DCT: variants seen among roughly 807,000 people sequenced by gnomAD.
DCT encodes dopachrome tautomerase, also known as L-dopachrome tautomerase.
DCT carries 47 observed loss-of-function variants against 53.0 expected under a neutral mutation model. The ratio of observed to expected loss-of-function variants is 0.89; its 90% confidence interval spans 0.70 to 1.13. The LOEUF (loss-of-function observed/expected upper bound fraction) is 1.13, where lower values mean the gene tolerates loss of function less well. Ranked by LOEUF, DCT falls within the 50% of genes most tolerant of loss-of-function variation. The probability of loss-of-function intolerance (pLI) is 0.00; values close to 1 mark genes in which losing one functional copy is unlikely to be tolerated. For missense variants in DCT, 669 were observed against 637.4 expected, an observed-to-expected ratio of 1.05 and a Z score of -0.53; for synonymous variants, 244 against 237.0, an observed-to-expected ratio of 1.03 and a Z score of -0.27.
intron 6 of DCT, among the ~76,000 whole-genome samples, chr13:94,458,518 T>G (rs564508658): frequency 5.0e-4 from 76 of 152,210 alleles, no homozygotes; most frequent in African/African-American, 1.8e-3. Flanking sequence ...CTTTAAAAAC[T>G]AAAGACTGGG....
chr13:94,479,928 T>C (rs573321526), upstream of DCT, among the ~76,000 whole-genome samples: 2 of 152,300 alleles, frequency 1.3e-5, no homozygotes, highest in Non-Finnish European at 1.5e-5. Context: ...TCAGACATCC[T>C]GGGGAGTCAG....
chr13:94,484,321 G>A (rs1885573138), upstream of DCT, among the ~76,000 whole-genome samples: 2 of 152,188 alleles, frequency 1.3e-5, no homozygotes, highest in African/African-American at 2.4e-5. Context: ...TGTGAGGATG[G>A]CCCCTTTAGG....
chr13:94,547,931 C>A, the DCT span, among the ~76,000 whole-genome samples: 11 of 136,288 alleles, frequency 8.1e-5, 1 homozygote, highest in South Asian at 1.4e-3. Context: ...CCACTGCACT[C>A]CAGCCTGGGC....
At chr13:94,492,423 T>G in the DCT span, among the ~76,000 whole-genome samples, 1 of 152,304 alleles carries the variant, frequency 6.6e-6, no homozygotes, top group East Asian at 1.9e-4. Context: ...GCAGCTCCTC[T>G]TCCTGCAGGA....
upstream of DCT, among the ~76,000 whole-genome samples, chr13:94,482,096 A>T (rs984673463): frequency 1.3e-5 from 2 of 152,226 alleles, no homozygotes; most frequent in African/African-American, 4.8e-5. Context: ...TACGATCAGT[A>T]GTTTCATTCA....
At chr13:94,447,789 T>C (rs901279566) in intron 6 of DCT, among the ~76,000 whole-genome samples, 2 of 152,004 alleles carry the variant, frequency 1.3e-5, no homozygotes, top group African/African-American at 4.8e-5. Context: ...AAGAGGCAAA[T>C]AACTTATAGA....
intron 7 of DCT, among the ~76,000 whole-genome samples, chr13:94,441,404 G>A (rs1164468504): frequency 6.6e-6 from 1 of 152,058 alleles, no homozygotes; most frequent in Non-Finnish European, 1.5e-5. Flanking sequence ...TTTTAAATAG[G>A]CAGTGCAGTG....
At chr13:94,493,943 G>C in the DCT span, among the ~76,000 whole-genome samples, 2 of 152,200 alleles carry the variant, frequency 1.3e-5, no homozygotes, top group East Asian at 1.9e-4. Context: ...GCAGTAAGAG[G>C]CTGTATGGGA....
Position 94,440,068 on chromosome 13 carries a change from CA to C in DCT, c.1389del (p.Glu464LysfsTer11). 6.2e-7 allele frequency: 1 copy of C among 1,613,160 alleles called. No individual in the cohort carries two copies. The highest frequency in any genetic ancestry group is 8.5e-7 in the Non-Finnish European group (1 of 1,179,422). On this transcript the variant is annotated frameshift_variant, in exon 8 of 8. Coordinates refer to ENST00000377028, the MANE Select transcript of DCT (RefSeq NM_001922.5). LOFTEE classifies it low-confidence loss of function (END_TRUNC). The part of the protein sequence containing the change: ...YSYAIDLPVS[V>X]EETPGWPTTL... ...GTTGTGGGCCAACCTGGAGTTTCTT[CA>C]ACTGAAACTAAAGCAGAAGAGAAGG...
chr13:94,537,908 C>A, the DCT span, among the ~76,000 whole-genome samples: 41 of 152,226 alleles, frequency 2.7e-4, no homozygotes, highest in African/African-American at 9.9e-4. Flanking sequence ...GCAGTGGTGA[C>A]CCACCATTGG....
chr13:94,458,585 G>A (rs1883560873), intron 6 of DCT, among the ~76,000 whole-genome samples: 2 of 152,030 alleles, frequency 1.3e-5, no homozygotes, highest in South Asian at 2.1e-4. Context: ...GGGCAGATCA[G>A]GAGGTCAGGT....
chr13:94,490,504 CAAAAA>C, the DCT span, among the ~76,000 whole-genome samples: 158 of 35,488 alleles, frequency 4.5e-3, 2 homozygotes, highest in African/African-American at 0.014. Flanking sequence ...GACTCGGTCT[CAAAAA>C]AAAAAAAAAA....
intron 6 of DCT, among the ~76,000 whole-genome samples, chr13:94,459,217 C>A (rs1315134196): frequency 6.6e-6 from 1 of 152,124 alleles, no homozygotes; most frequent in Non-Finnish European, 1.5e-5. Context: ...AGAAATCAAA[C>A]TGATATACCA....
At chr13:94,471,595 G>T (rs1240009975) in intron 1 of DCT, among the ~76,000 whole-genome samples, 3 of 152,086 alleles carry the variant, frequency 2.0e-5, no homozygotes, top group Admixed American at 6.6e-5. Context: ...TTTCCCTGGG[G>T]CAACCTTACT....
chr13:94,523,049 T>C, the DCT span, among the ~76,000 whole-genome samples: 1 of 152,182 alleles, frequency 6.6e-6, no homozygotes, highest in African/African-American at 2.4e-5. Context: ...AGAGAATATG[T>C]AGCCAGTAGA....
chr13:94,483,908 G>A (rs1325395041), upstream of DCT, among the ~76,000 whole-genome samples: 11 of 152,168 alleles, frequency 7.2e-5, no homozygotes, highest in Admixed American at 7.2e-4. Flanking sequence ...TTAATTCAAT[G>A]TTCCTGCTAC....
the DCT span, among the ~76,000 whole-genome samples, chr13:94,547,038 G>A: frequency 6.6e-6 from 1 of 152,032 alleles, no homozygotes; most frequent in African/African-American, 2.4e-5. Context: ...CTAAGTCAGA[G>A]GTCAAACAGG....
At chr13:94,489,533 T>A in the DCT span, among the ~76,000 whole-genome samples, 2 of 152,198 alleles carry the variant, frequency 1.3e-5, no homozygotes, top group African/African-American at 4.8e-5. Context: ...ACACAGTAGG[T>A]ACTTAGCACA....
chr13:94,472,050 A>G (rs1884677158), intron 1 of DCT, among the ~76,000 whole-genome samples: 1 of 152,194 alleles, frequency 6.6e-6, no homozygotes. Context: ...AAAATTTATA[A>G]TAATAATTTA....
Sources: allele counts gnomAD v4.1 joint callset (sites outside exome capture counted in the v4.1 genomes callset), GRCh38; gene constraint gnomAD v4.1.1; transcripts MANE v1.5; gene names NCBI Gene and HGNC (gene_info 2026-07-23, HGNC 2026-07-21).